The following ZNF253 variants were observed in gnomAD, a reference collection of about 807,000 sequenced individuals.
ZNF253 encodes the protein zinc finger protein 253, also known as DNA-binding protein.
ZNF253 carries 8 observed loss-of-function variants against 11.9 expected under a neutral mutation model. That is an observed-to-expected ratio of 0.67 (90% CI 0.40 to 1.22). The LOEUF is 1.22. Among genes scored for constraint, ZNF253 ranks in the 50% most tolerant of loss-of-function variants. The probability of loss-of-function intolerance (pLI) is 0.01; values close to 1 mark genes in which losing one functional copy is unlikely to be tolerated. For missense variants in ZNF253, 485 were observed against 586.9 expected, an observed-to-expected ratio of 0.83 and a Z score of 1.79; for synonymous variants, 194 against 194.9, an observed-to-expected ratio of 1.00 and a Z score of 0.04.
chr19:19,893,811 C>T lies in ZNF253; in HGVS notation c.*1064C>T, dbSNP rs1478056275. The T allele has an allele frequency of 6.6e-6, 1 of 152,164 alleles. No homozygotes were observed. The highest frequency in any genetic ancestry group is 1.5e-5 in the Non-Finnish European group (1 of 68,026). 9.4% of individuals were successfully genotyped at this position (152,164 alleles called of 1,614,324 possible). A position where few individuals can be genotyped will look rare whatever the true frequency, so the allele number is the denominator to read the frequency against. ...ACAAATATAAAGGGGGTTGTAGTGC[C>T]TTTACTTGTGTCACAGATCTTAGTG... On this transcript the variant is annotated 3_prime_UTR_variant, in exon 4 of 4. Coordinates refer to ENST00000589717, the MANE Select transcript of ZNF253 (RefSeq NM_021047.3).
In ZNF253 at chr19:19,894,300, A is replaced by G. The variant is rs746139404; in HGVS notation, c.*1553A>G. 1.3e-5 allele frequency: 2 copies of G among 152,192 alleles called. No individual in the cohort carries two copies. Among genetic ancestry groups the G allele is most frequent in the Non-Finnish European group, 2.9e-5 (2 of 68,024 alleles). 9.4% of individuals were successfully genotyped at this position (152,192 alleles called of 1,614,324 possible). The stretch of plus-strand genomic sequence containing the variant: ...TATAATACAGCTTTCACATTGCTTT[A>G]TGCTATTTTATTCCTATTATATTCA... On this transcript the variant is annotated 3_prime_UTR_variant, in exon 4 of 4. Coordinates refer to ENST00000589717, the MANE Select transcript of ZNF253 (RefSeq NM_021047.3).
chr19:19,885,337 TCTTTCTTTCTTTCTTTCTTCCTTTC>T lies in ZNF253; in HGVS notation c.226+5192_226+5216del, dbSNP rs1568499234. Among the ~76,000 whole-genome samples, 348 of 73,458 alleles carry T rather than the reference TCTTTCTTTCTTTCTTTCTTCCTTTC, an allele frequency of 4.7e-3. 30 individuals carry two copies. The highest frequency in any genetic ancestry group is 0.044 in the African/African-American group (306 of 6,940). The allele number at this position is 73,458 out of a possible 152,430, so 48.2% of individuals were successfully genotyped here. A position where few individuals can be genotyped will look rare whatever the true frequency, so the allele number is the denominator to read the frequency against. On this transcript the variant is annotated intron_variant, in intron 3 of 3. Coordinates refer to ENST00000589717, the MANE Select transcript of ZNF253 (RefSeq NM_021047.3). ...TTCTTTCTTTCTTTCTTTCTTTCTT[TCTTTCTTTCTTTCTTTCTTCCTTTC>T]TTTTCTTTCTTTTCTTTCTTTTCTT...
Position 19,866,933 on chromosome 19 carries a change from A to G in ZNF253, c.3+934A>G, listed in dbSNP as rs140677322. ...TGGGTTGTTTACGGAGCGGGTGTCT[A>G]GGTACAAAGAGGTACAAAAAAGTTG... On this transcript the variant is annotated intron_variant, in intron 1 of 3. Coordinates refer to ENST00000589717, the MANE Select transcript of ZNF253 (RefSeq NM_021047.3). 2.8e-3 allele frequency among the ~76,000 whole-genome samples: 421 copies of G among 151,680 alleles called. 4 individuals carry two copies. Among genetic ancestry groups the G allele is most frequent in the South Asian group, 9.1e-3 (44 of 4,830 alleles).
At chr19:19,870,672 AGTT>A (rs2145257113) in intron 1 of ZNF253, 1 of 152,278 alleles carries the variant, frequency 6.6e-6, no homozygotes, top group East Asian at 1.9e-4. Context: ...CTGTGTTGCA[AGTT>A]GTAACATATT....
At chr19:19,868,518 T>C (rs1470887229) in intron 1 of ZNF253, among the ~76,000 whole-genome samples, 2 of 152,274 alleles carry the variant, frequency 1.3e-5, no homozygotes, top group East Asian at 3.9e-4. Context: ...GCATTATTTC[T>C]GGGCTCTCTA....
chr19:19,892,258 G>A lies in ZNF253; in HGVS notation c.1011G>A (p.Glu337=). The A allele has an allele frequency of 6.2e-7, 1 of 1,613,914 alleles. No homozygotes were observed. The highest frequency in any genetic ancestry group is 8.5e-7 in the Non-Finnish European group (1 of 1,179,976). The change falls in exon 4 of 4, where the codon GAG becomes GAA. Residue 337 remains glutamate (E), a synonymous_variant. Transcript: ENST00000589717. ...LTIHKRIHTG[E]KPYKCEECGK... is the part of the protein sequence containing the mutation. ...TACATAAGAGAATTCATACAGGAGAGAAACCCTACAAATGTGAAGAATGTG... is the reference window on the plus strand; with the variant it reads ...TACATAAGAGAATTCATACAGGAGAAAAACCCTACAAATGTGAAGAATGTG...
intron 1 of ZNF253, among the ~76,000 whole-genome samples, chr19:19,866,336 G>C (rs1309519379): frequency 6.6e-6 from 1 of 152,096 alleles, no homozygotes; most frequent in Non-Finnish European, 1.5e-5. Flanking sequence ...GAAGAGCTTT[G>C]GTCCGTGAGG....
intron 1 of ZNF253, among the ~76,000 whole-genome samples, chr19:19,877,487 T>G (rs1038891758): frequency 1.4e-4 from 22 of 152,114 alleles, no homozygotes; most frequent in Non-Finnish European, 1.5e-5. Flanking sequence ...GCAATTCTCT[T>G]GCCTCAGCCT....
chr19:19,878,376 C>CT (rs2122121576), intron 1 of ZNF253, 105 bp from the exon 2 acceptor site: 1 of 1,580,920 alleles, frequency 6.3e-7, no homozygotes, highest in East Asian at 2.3e-5. Flanking sequence ...TTAGGCAGTC[C>CT]TTTGAGTCAG....
chr19:19,892,086 G>C lies in ZNF253; in HGVS notation c.839G>C (p.Gly280Ala), dbSNP rs958433110. 6.2e-7 allele frequency: 1 copy of C among 1,613,874 alleles called. No individual in the cohort carries two copies. Among genetic ancestry groups the C allele is most frequent in the Admixed American group, 1.7e-5 (1 of 59,990 alleles). Residue 280 changes from glycine (G) to alanine (A), a missense_variant, in exon 4 of 4, where the codon GGA (glycine) becomes GCA (alanine). Transcript: ENST00000589717. ...DLTTHKIVHT[G>A]EKPYKCEECG... ...ACTACACATAAGATAGTTCATACTG[G>C]AGAGAAACCCTACAAATGTGAAGAA... is the stretch of plus-strand genomic sequence containing the variant.
chr19:19,869,433 C>T (rs576340948), intron 1 of ZNF253, among the ~76,000 whole-genome samples: 10 of 151,954 alleles, frequency 6.6e-5, no homozygotes, highest in African/African-American at 2.4e-4. Context: ...GGTTTGATCT[C>T]GGCTCAGGCA....
At chr19:19,875,948 A>G (rs1283556610) in intron 1 of ZNF253, among the ~76,000 whole-genome samples, 1 of 152,204 alleles carries the variant, frequency 6.6e-6, no homozygotes, top group Admixed American at 6.5e-5. Flanking sequence ...ATTAATAAAC[A>G]TTGCATTAGT....
At chr19:19,867,360 T>G (rs59795312) in intron 1 of ZNF253, among the ~76,000 whole-genome samples, 2,935 of 152,284 alleles carry the variant, frequency 0.019, 35 homozygotes, top group African/African-American at 0.026. Flanking sequence ...TTACTAAATC[T>G]TTTATTTTAT....
chr19:19,892,829 G>A lies in ZNF253; in HGVS notation c.*82G>A. On this transcript the variant is annotated 3_prime_UTR_variant, in exon 4 of 4. Transcript: ENST00000589717. Reference sequence around the variant, plus strand: ...CCCTCGACTCTTAGTAAATTTGAGAGTTTATATGGAACACAAACCCTACAA... The same window carrying A: ...CCCTCGACTCTTAGTAAATTTGAGAATTTATATGGAACACAAACCCTACAA... 1.5e-6 allele frequency: 2 copies of A among 1,311,334 alleles called. No homozygotes were observed. The highest frequency in any genetic ancestry group is 2.1e-6 in the Non-Finnish European group (2 of 950,566). 81.2% of individuals were successfully genotyped at this position (1,311,334 alleles called of 1,614,324 possible). A position where few individuals can be genotyped will look rare whatever the true frequency, so the allele number is the denominator to read the frequency against.
intron 1 of ZNF253, among the ~76,000 whole-genome samples, chr19:19,876,203 G>C (rs1055713416): frequency 6.6e-6 from 1 of 152,174 alleles, no homozygotes; most frequent in Non-Finnish European, 1.5e-5. Flanking sequence ...CATTGACAGA[G>C]AACTTGTTTA....
intron 1 of ZNF253, among the ~76,000 whole-genome samples, chr19:19,876,095 G>A (rs1268720274): frequency 6.6e-6 from 1 of 152,194 alleles, no homozygotes. Context: ...TGTACCAGAA[G>A]TATTTGGTTG....
intron 1 of ZNF253, among the ~76,000 whole-genome samples, chr19:19,875,390 C>CTCTTTCTTTCTT (rs147837754): frequency 6.2e-4 from 94 of 150,854 alleles, no homozygotes; most frequent in African/African-American, 2.1e-3. Flanking sequence ...CTACATTAAA[C>CTCTTTCTTTCTT]TCTTTCTTTC....
chr19:19,874,141 C>A (rs1050305254), intron 1 of ZNF253, among the ~76,000 whole-genome samples: 8 of 152,038 alleles, frequency 5.3e-5, no homozygotes, highest in Admixed American at 4.6e-4. Context: ...AACTCCTGAC[C>A]TCAGGTGGTC....
At chr19:19,887,233 A>G (rs1261203327) in intron 3 of ZNF253, among the ~76,000 whole-genome samples, 1 of 151,696 alleles carries the variant, frequency 6.6e-6, no homozygotes, top group Non-Finnish European at 1.5e-5. Flanking sequence ...TCTTGTAGGC[A>G]GCGTACTGTA....
Sources: gnomAD v4.1 joint callset for allele counts (sites outside exome capture counted in the v4.1 genomes callset) on GRCh38, gnomAD v4.1.1 for gene constraint, MANE v1.5 for transcripts, NCBI Gene and HGNC (gene_info 2026-07-23, HGNC 2026-07-21) for gene names.